COL11A1: variants seen among roughly 807,000 people sequenced by gnomAD.
COL11A1 encodes collagen alpha-1(XI) chain.
A neutral mutation model predicts 265.2 loss-of-function variants in COL11A1; 74 were observed. The ratio of observed to expected loss-of-function variants is 0.28; its 90% CI spans 0.23 to 0.34. The LOEUF (loss-of-function observed/expected upper bound fraction) is 0.34. Ranked by LOEUF, COL11A1 falls within the 10% of genes least tolerant of loss-of-function variation. COL11A1 has a pLI of 1.00. For synonymous variants in COL11A1, 816 were observed against 727.6 expected, an observed-to-expected ratio of 1.12 and a Z score of -1.96; for missense variants, 2,165 against 2,263.6, an observed-to-expected ratio of 0.96 and a Z score of 0.88.
intron 14 of COL11A1, among the ~76,000 whole-genome samples, chr1:103,009,451 G>A (rs997175787): frequency 4.0e-5 from 6 of 151,836 alleles, no homozygotes; most frequent in African/African-American, 1.5e-4. Flanking sequence ...AAATGTAAAA[G>A]GTGTAACAAC....
intron 1 of COL11A1, among the ~76,000 whole-genome samples, chr1:103,084,016 A>G (rs1481684851): frequency 1.3e-5 from 2 of 152,212 alleles, no homozygotes; most frequent in Non-Finnish European, 2.9e-5. Flanking sequence ...TAATTCACAT[A>G]CCATACAAAA....
chr1:103,052,893 A>G (rs1272941101), intron 4 of COL11A1, among the ~76,000 whole-genome samples: 1 of 152,238 alleles, frequency 6.6e-6, no homozygotes. Flanking sequence ...AGGAAGCTGT[A>G]CATTAATAGG....
At chr1:103,081,641 A>T (rs1231765495) in intron 2 of COL11A1, among the ~76,000 whole-genome samples, 9 of 151,948 alleles carry the variant, frequency 5.9e-5, no homozygotes, top group Admixed American at 5.9e-4. Context: ...TTCTATGAAA[A>T]GTGTACTGTG....
At chr1:103,054,280 G>A (rs767630476) in intron 4 of COL11A1, among the ~76,000 whole-genome samples, 12 of 152,156 alleles carry the variant, frequency 7.9e-5, no homozygotes, top group South Asian at 6.2e-4. Context: ...GCTACATTGC[G>A]AAATGCACAT....
At chr1:103,066,024 C>A (rs1375977480) in intron 4 of COL11A1, among the ~76,000 whole-genome samples, 1 of 151,890 alleles carries the variant, frequency 6.6e-6, no homozygotes, top group African/African-American at 2.4e-5. Flanking sequence ...AACTGTCAAC[C>A]CAGAATTCTA....
In COL11A1 at chr1:102,952,108, A is replaced by AT. The variant is rs879326664; in HGVS notation, c.3169-5153dup. Reference sequence around the variant, plus strand: ...GTGTAGTTTGTAGATACTGTATACTATTTTTTTTTGAGATGGAGTCTTGCT... The same window carrying AT: ...GTGTAGTTTGTAGATACTGTATACTATTTTTTTTTTGAGATGGAGTCTTGCT... On this transcript the variant is annotated intron_variant, in intron 41 of 66. Coordinates refer to ENST00000370096, the MANE Select transcript of COL11A1 (RefSeq NM_001854.4). 4.4e-3 allele frequency among the ~76,000 whole-genome samples: 653 copies of AT among 149,730 alleles called. 5 individuals are homozygous for AT. Among genetic ancestry groups the AT allele is most frequent in the African/African-American group, 0.014 (593 of 41,060 alleles).
chr1:103,066,605 A>G (rs907536263), intron 4 of COL11A1, among the ~76,000 whole-genome samples: 27 of 151,876 alleles, frequency 1.8e-4, no homozygotes, highest in African/African-American at 6.3e-4. Context: ...AAAGAATCAG[A>G]AAACAGAGAG....
At chr1:103,038,851 C>T (rs903045059) in intron 4 of COL11A1, among the ~76,000 whole-genome samples, 2 of 152,080 alleles carry the variant, frequency 1.3e-5, no homozygotes, top group African/African-American at 2.4e-5. Flanking sequence ...ACAGACAGTA[C>T]ATATATTAGT....
At chr1:103,101,465 G>A (rs575573143) in intron 1 of COL11A1, among the ~76,000 whole-genome samples, 3 of 152,020 alleles carry the variant, frequency 2.0e-5, no homozygotes, top group Non-Finnish European at 2.9e-5. Context: ...ATGCACTAGA[G>A]TTCTTATTAG....
chr1:102,988,573 G>A lies in COL11A1; in HGVS notation c.2395-833C>T, dbSNP rs143367136. 3.5e-3 allele frequency among the ~76,000 whole-genome samples: 533 copies of A among 152,194 alleles called. 5 individuals carry two copies. Among genetic ancestry groups the A allele is most frequent in the African/African-American group, 0.012 (518 of 41,540 alleles). On this transcript the variant is annotated intron_variant, in intron 29 of 66. Transcript: ENST00000370096. The stretch of plus-strand genomic sequence containing the variant: ...GAAAGTCAGAGTTTTCAACTTTGGT[G>A]TGTTTACTCATGTTTTTGTTCATGA...
At position 102,886,860 on chromosome 1, in the gene COL11A1, T is replaced by G. The variant is rs75495145; in HGVS notation, c.4805A>C (p.Asn1602Thr). 2 of 1,613,830 alleles carry G rather than the reference T, an allele frequency of 1.2e-6. No homozygotes were observed. Among genetic ancestry groups the G allele is most frequent in the African/African-American group, 2.7e-5 (2 of 74,918 alleles). The change falls in exon 63 of 67, where the codon AAT (asparagine) becomes ACT (threonine). Residue 1602 changes from asparagine to threonine, a missense_variant. Coordinates refer to ENST00000370096, the MANE Select transcript of COL11A1 (RefSeq NM_001854.4). ...HMKFPMGTQTNPARTCKDLQL... is the reference protein window; with the variant it reads ...HMKFPMGTQTTPARTCKDLQL... ...CAGGTCTTTACAAGTTCGGGCTGGATTGGTCTGAGTACCCATTGGAAATTT... is the reference window on the plus strand; with the variant it reads ...CAGGTCTTTACAAGTTCGGGCTGGAGTGGTCTGAGTACCCATTGGAAATTT...
At chr1:102,990,882 A>G (rs1159257565) in intron 28 of COL11A1, among the ~76,000 whole-genome samples, 2 of 152,020 alleles carry the variant, frequency 1.3e-5, no homozygotes, top group African/African-American at 4.8e-5. Context: ...AAAATAGAAA[A>G]ATTAGCCAGG....
In COL11A1 at chr1:102,890,332, A is replaced by G. The variant is rs1035863370; in HGVS notation, c.4356+119T>C. ...GAAGCTAAGGATTGAAGCTTTTTTC[A>G]GGGTTAGAATGAAGATATTGTTTGA... On this transcript the variant is annotated intron_variant, in intron 58 of 66. Coordinates refer to ENST00000370096, the MANE Select transcript of COL11A1 (RefSeq NM_001854.4). 3.4e-6 allele frequency: 3 copies of G among 892,496 alleles called. No individual in the cohort carries two copies. The Admixed American group carries it at 8.1e-5, about 24-fold the overall frequency. The allele number at this position is 892,496 out of a possible 1,614,324, so 55.3% of individuals were successfully genotyped here. A position where few individuals can be genotyped will look rare whatever the true frequency, so the allele number is the denominator to read the frequency against.
chr1:103,108,027 A>G (rs1674848911), intron 1 of COL11A1, 46 bp downstream of exon 1: 2 of 1,391,682 alleles, frequency 1.4e-6, no homozygotes, highest in Admixed American at 1.7e-5. Flanking sequence ...CAGAAGCAGT[A>G]GGACCGACGG....
intron 62 of COL11A1, among the ~76,000 whole-genome samples, 160 bp downstream of exon 62, chr1:102,888,417 C>T (rs1651285213): frequency 6.6e-6 from 1 of 152,096 alleles, no homozygotes; most frequent in Non-Finnish European, 1.5e-5. Flanking sequence ...AAATTTAAGT[C>T]TTGGCATGTA....
intron 59 of COL11A1, 104 bp downstream of exon 59, chr1:102,889,351 T>C (rs1196894065): frequency 3.5e-6 from 3 of 864,382 alleles, no homozygotes; most frequent in Non-Finnish European, 4.0e-6. Context: ...ATTAAGACAC[T>C]CTAAATTCTT....
chr1:103,094,100 A>G (rs927858686), intron 1 of COL11A1, among the ~76,000 whole-genome samples: 8 of 152,128 alleles, frequency 5.3e-5, no homozygotes, highest in African/African-American at 1.9e-4. Context: ...GAGCCAATAA[A>G]GGAAATCAGG....
intron 46 of COL11A1, among the ~76,000 whole-genome samples, chr1:102,932,845 T>C (rs2101184340): frequency 6.6e-6 from 1 of 152,116 alleles, no homozygotes; most frequent in African/African-American, 2.4e-5. Flanking sequence ...ATTCATTTCA[T>C]CTTCCCTCGC....
At chr1:102,894,211 G>T (rs1557784021) in intron 57 of COL11A1, among the ~76,000 whole-genome samples, 1 of 152,246 alleles carries the variant, frequency 6.6e-6, no homozygotes, top group East Asian at 1.9e-4. Context: ...TCAGAGGGTA[G>T]AATTTAGACA....
Sources: allele counts gnomAD v4.1 joint callset (sites outside exome capture counted in the v4.1 genomes callset), GRCh38; gene constraint gnomAD v4.1.1; transcripts MANE v1.5; gene names NCBI Gene and HGNC (gene_info 2026-07-23, HGNC 2026-07-21).